The following MYRIP variants were observed in gnomAD, a reference collection of about 807,000 sequenced individuals.
MYRIP encodes the protein rab effector MyRIP.
Under a neutral mutation model 98.0 loss-of-function variants are expected in MYRIP, and 49 were observed. The observed-to-expected ratio is 0.50, with a 90% CI of 0.40 to 0.63. The LOEUF (loss-of-function observed/expected upper bound fraction) is 0.63. Among genes scored for constraint, MYRIP ranks in the 30% least tolerant of loss-of-function variants. The pLI, the probability that MYRIP is intolerant of heterozygous loss-of-function variation, is 0.00. For synonymous variants in MYRIP, 404 were observed against 409.5 expected (o/e 0.99, Z 0.16); for missense variants, 1,004 against 1,058.2 (o/e 0.95, Z 0.71).
intron 2 of MYRIP, among the ~76,000 whole-genome samples, chr3:39,909,480 A>G (rs1308385683): frequency 6.6e-6 from 1 of 152,236 alleles, no homozygotes; most frequent in Non-Finnish European, 1.5e-5. Flanking sequence ...AGTCCAAAAG[A>G]TGAGCTAAAT....
chr3:39,923,104 AT>A (rs1944340094), intron 2 of MYRIP, among the ~76,000 whole-genome samples: 2 of 152,218 alleles, frequency 1.3e-5, no homozygotes, highest in African/African-American at 4.8e-5. Context: ...GAAGAAAAAA[AT>A]CAGTGAGCTG....
At chr3:39,909,500 A>ATAGAATCC (rs1340417015) in intron 2 of MYRIP, among the ~76,000 whole-genome samples, 1 of 152,172 alleles carries the variant, frequency 6.6e-6, no homozygotes, top group African/African-American at 2.4e-5. Context: ...TCCTATATGA[A>ATAGAATCC]TAATTAGGAT....
At chr3:40,220,838 A>G (rs1017603193) in intron 11 of MYRIP, among the ~76,000 whole-genome samples, 3 of 151,952 alleles carry the variant, frequency 2.0e-5, no homozygotes, top group Non-Finnish European at 4.4e-5. Context: ...ACACTTTTAA[A>G]CAATCAGATC....
intron 3 of MYRIP, among the ~76,000 whole-genome samples, chr3:40,106,016 T>G (rs1949043820): frequency 6.6e-6 from 1 of 151,620 alleles, no homozygotes; most frequent in Non-Finnish European, 1.5e-5. Context: ...AGAACTCTAC[T>G]CCATGATCCA....
intron 3 of MYRIP, among the ~76,000 whole-genome samples, chr3:40,118,723 G>C (rs1949333722): frequency 6.6e-6 from 1 of 151,768 alleles, no homozygotes; most frequent in South Asian, 2.1e-4. Flanking sequence ...ATTTACATTA[G>C]GTATATCTCC....
chr3:40,113,561 C>T (rs1293508262), intron 3 of MYRIP, among the ~76,000 whole-genome samples: 1 of 152,156 alleles, frequency 6.6e-6, no homozygotes, highest in Non-Finnish European at 1.5e-5. Context: ...ACTGGTTACC[C>T]ATTTGGAAAC....
chr3:40,151,098 G>A lies in MYRIP; in HGVS notation c.383G>A (p.Arg128His), dbSNP rs780253855. ...LEWFYNNVKSRFKRFGSAKVL... is the reference protein window; with the variant it reads ...LEWFYNNVKSHFKRFGSAKVL... ...TGGTTCTACAATAATGTGAAGAGCC[G>A]CTTCAAGCGCTTTGGCAGTGCCAAG... is the stretch of plus-strand genomic sequence containing the variant. Residue 128 changes from arginine (R) to histidine (H), a missense_variant, in exon 4 of 17, where the codon CGC becomes CAC. Physicochemically the swap from Arg to His is conservative, Grantham distance 29. Around this residue, in one of 3 missense-constraint regions of MYRIP, gnomAD observed 880 missense variants for 907.7 expected, o/e 0.97. Transcript: ENST00000302541. 1.4e-5 allele frequency: 22 copies of A among 1,609,808 alleles called. No homozygotes were observed. Among genetic ancestry groups the A allele is most frequent in the East Asian group, 6.7e-5 (3 of 44,710 alleles).
At position 40,060,498 on chromosome 3, in the gene MYRIP, CAT is replaced by C. The variant is rs542968340; in HGVS notation, c.332+16228_332+16229del. Reference sequence around the variant, plus strand: ...GTGGTTATTTTGCGAATAAGGCTGACATGTGTATGGTTATACTTGAATATTTT... The same window carrying C: ...GTGGTTATTTTGCGAATAAGGCTGACGTGTATGGTTATACTTGAATATTTT... On this transcript the variant is annotated intron_variant, in intron 3 of 16. Coordinates refer to ENST00000302541, the MANE Select transcript of MYRIP (RefSeq NM_015460.4). 2.6e-4 allele frequency among the ~76,000 whole-genome samples: 40 copies of C among 151,652 alleles called. No individual in the cohort carries two copies. In the East Asian group the frequency reaches 6.6e-3, roughly 25 times the overall value.
chr3:40,231,073 C>T (rs948647344), intron 11 of MYRIP, among the ~76,000 whole-genome samples: 5 of 152,202 alleles, frequency 3.3e-5, no homozygotes, highest in African/African-American at 9.6e-5. Context: ...GATCCACCCG[C>T]CTTGGCCTCC....
chr3:40,077,786 C>T (rs913371767), intron 3 of MYRIP, among the ~76,000 whole-genome samples: 1 of 152,280 alleles, frequency 6.6e-6, no homozygotes, highest in Non-Finnish European at 1.5e-5. Context: ...TTTACAATCC[C>T]TGAGCTAGAC....
At chr3:40,160,575 G>T (rs534829240) in intron 4 of MYRIP, among the ~76,000 whole-genome samples, 1 of 152,174 alleles carries the variant, frequency 6.6e-6, no homozygotes, top group African/African-American at 2.4e-5. Context: ...GGGCAATGGC[G>T]GGCGCCCCTC....
intron 3 of MYRIP, among the ~76,000 whole-genome samples, chr3:40,104,769 T>A (rs1949023575): frequency 6.6e-6 from 1 of 152,232 alleles, no homozygotes; most frequent in African/African-American, 2.4e-5. Flanking sequence ...GACAGTCTTA[T>A]AATATTAGCT....
intron 11 of MYRIP, 46 bp from the exon 12 acceptor site, chr3:40,233,813 T>C: frequency 6.5e-7 from 1 of 1,533,332 alleles, no homozygotes; most frequent in Non-Finnish European, 8.9e-7. Flanking sequence ...TCATTGTTAA[T>C]GTGCTGTTCT....
chr3:39,873,830 T>A lies in MYRIP; in HGVS notation c.-30-26957T>A, dbSNP rs1426354842. Among the ~76,000 whole-genome samples the A allele has an allele frequency of 2.0e-5, 3 of 152,296 alleles. No individual in the cohort carries two copies. In the East Asian group the frequency reaches 5.8e-4, roughly 29 times the overall value. The stretch of plus-strand genomic sequence containing the variant: ...TTGACTTGGTGATGTGGGCCCTTTT[T>A]TGGTTCCATATGAACTTTAAAGTAG... On this transcript the variant is annotated intron_variant, in intron 1 of 16. Transcript: ENST00000302541.
chr3:40,101,501 G>C (rs1948944912), intron 3 of MYRIP, among the ~76,000 whole-genome samples: 1 of 151,982 alleles, frequency 6.6e-6, no homozygotes, highest in Non-Finnish European at 1.5e-5. Context: ...TTACATCTTT[G>C]ATTATTTTCT....
At chr3:40,137,425 A>G (rs1331897714) in intron 3 of MYRIP, among the ~76,000 whole-genome samples, 2 of 152,196 alleles carry the variant, frequency 1.3e-5, no homozygotes, top group Non-Finnish European at 2.9e-5. Context: ...CCAGGACCAG[A>G]TGGATTCACA....
Position 39,931,740 on chromosome 3 carries a change from T to C in MYRIP, c.110+30814T>C, listed in dbSNP as rs547954007. On this transcript the variant is annotated intron_variant, in intron 2 of 16. Coordinates refer to ENST00000302541, the MANE Select transcript of MYRIP (RefSeq NM_015460.4). ...AAAGGGTGTTGGATTTTGTCAAATA[T>C]TTTTTCTGCATCTATTGACATGACC... Among the ~76,000 whole-genome samples, 10 of 152,288 alleles carry C rather than the reference T, an allele frequency of 6.6e-5. 1 individual carries two copies. In the South Asian group the frequency reaches 2.1e-3, roughly 32 times the overall value.
At chr3:40,185,154 T>C (rs1043043836) in intron 9 of MYRIP, among the ~76,000 whole-genome samples, 2 of 152,198 alleles carry the variant, frequency 1.3e-5, no homozygotes, top group African/African-American at 4.8e-5. Flanking sequence ...TTGGCAGTTG[T>C]GTTTATGCCT....
intron 3 of MYRIP, among the ~76,000 whole-genome samples, chr3:40,097,107 A>G (rs1310117841): frequency 6.6e-6 from 1 of 152,254 alleles, no homozygotes. Context: ...CAAAAGAAGA[A>G]AAGCTTATGG....
Sources: allele counts gnomAD v4.1 joint callset (sites outside exome capture counted in the v4.1 genomes callset), GRCh38; gene constraint gnomAD v4.1.1; regional missense constraint gnomAD v4.1.1; transcripts MANE v1.5; gene names NCBI Gene and HGNC (gene_info 2026-07-23, HGNC 2026-07-21).